CCDC39: variants seen among roughly 807,000 people sequenced by gnomAD.
The protein encoded by CCDC39 is coiled-coil domain 39 molecular ruler complex subunit, also known as coiled-coil domain-containing protein 39.
A neutral mutation model predicts 121.0 loss-of-function variants in CCDC39; 113 were observed. That is an observed-to-expected ratio of 0.93 (90% CI 0.80 to 1.09). The LOEUF is 1.09. Among genes scored for constraint, CCDC39 ranks in the 50% least tolerant of loss-of-function variants. The pLI is 0.00. For synonymous variants in CCDC39, 349 were observed against 352.2 expected (o/e 0.99, Z 0.10); for missense variants, 1,063 against 1,074.7 (o/e 0.99, Z 0.15).
chr3:180,669,260 A>G (rs1272241448), intron 1 of CCDC39, among the ~76,000 whole-genome samples: 5 of 151,992 alleles, frequency 3.3e-5, no homozygotes, highest in East Asian at 1.9e-4. Context: ...GCTTTTTAGT[A>G]TGGTAGGGCA....
chr3:180,633,555 G>A (rs949700142), intron 13 of CCDC39, among the ~76,000 whole-genome samples: 1 of 152,136 alleles, frequency 6.6e-6, no homozygotes, highest in Non-Finnish European at 1.5e-5. Context: ...GACAAGGGGG[G>A]AGATTAGGCA....
chr3:180,669,102 T>G (rs1461164423), intron 1 of CCDC39, among the ~76,000 whole-genome samples: 1 of 152,224 alleles, frequency 6.6e-6, no homozygotes, highest in African/African-American at 2.4e-5. Flanking sequence ...AATAGACCAT[T>G]CATTAAATAG....
In CCDC39 at chr3:180,617,722, G is replaced by A. The variant is rs537615585; in HGVS notation, c.2266-756C>T. 257 of 382,864 alleles carry A rather than the reference G, an allele frequency of 6.7e-4. 1 individual carries two copies. The highest frequency in any genetic ancestry group is 2.7e-3 in the Middle Eastern group (4 of 1,474). The allele number at this position is 382,864 out of a possible 1,614,324, so 23.7% of individuals were successfully genotyped here. A position where few individuals can be genotyped will look rare whatever the true frequency, so the allele number is the denominator to read the frequency against. ...GCTTAAGCTAAATGTCATCACAAAAGAGTAAAAAAATTTTACAAAATTAAA... is the reference window on the plus strand; with the variant it reads ...GCTTAAGCTAAATGTCATCACAAAAAAGTAAAAAAATTTTACAAAATTAAA... On this transcript the variant is annotated intron_variant, in intron 16 of 19. Transcript: ENST00000476379.
intron 13 of CCDC39, among the ~76,000 whole-genome samples, chr3:180,632,726 GA>G (rs1176041344): frequency 1.3e-5 from 2 of 151,542 alleles, no homozygotes; most frequent in Non-Finnish European, 2.9e-5. Flanking sequence ...AAGATTAACG[GA>G]AAAAAAATAG....
chr3:180,636,853 G>A lies in CCDC39; in HGVS notation c.1874+5140C>T, dbSNP rs145734693. Among the ~76,000 whole-genome samples the A allele has an allele frequency of 3.7e-4, 57 of 152,248 alleles. 2 individuals carry two copies. In the East Asian group the frequency reaches 9.3e-3, roughly 25 times the overall value. On this transcript the variant is annotated intron_variant, in intron 13 of 19. Transcript: ENST00000476379. The stretch of plus-strand genomic sequence containing the variant: ...GAATGGACTCGCTATTCAATACATG[G>A]TGCTGGGATAACTTGCTAGCCATAT...
intron 14 of CCDC39, 106 bp from the exon 15 acceptor site, chr3:180,620,076 G>A: frequency 1.2e-6 from 1 of 823,900 alleles, no homozygotes; most frequent in Non-Finnish European, 1.8e-6. Flanking sequence ...GACAATAACA[G>A]TTTATCTCAT....
intron 12 of CCDC39, 30 bp from the exon 13 acceptor site, chr3:180,642,231 G>T: frequency 7.1e-7 from 1 of 1,406,324 alleles, no homozygotes; most frequent in Non-Finnish European, 9.5e-7. Flanking sequence ...GTCAAATATT[G>T]AAATTATTTT....
Position 180,659,461 on chromosome 3 carries a change from G to T in CCDC39, c.729C>A (p.Asn243Lys), listed in dbSNP as rs1711683636. The change falls in exon 6 of 20, where the codon AAC (asparagine) becomes AAA (lysine). Residue 243 changes from asparagine (N) to lysine (K), a missense_variant. Coordinates refer to ENST00000476379, the MANE Select transcript of CCDC39 (RefSeq NM_181426.2). ...CAAACAACTACTTTACCAAAGCACA[G>T]TTATCTATGTCTCCATCCCTCTTCT... is the stretch of plus-strand genomic sequence containing the variant. ...QMQKRDGDID[N>K]CALELARIKQ... 6.2e-7 allele frequency: 1 copy of T among 1,613,320 alleles called. No homozygotes were observed. The highest frequency in any genetic ancestry group is 8.5e-7 in the Non-Finnish European group (1 of 1,179,640).
rs182186111 is a variant in CCDC39, at chr3:180,614,072, A to G, written c.*849T>C. 1.4e-5 allele frequency: 4 copies of G among 278,680 alleles called. No homozygotes were observed. The East Asian group carries it at 3.7e-4, about 26-fold the overall frequency. 17.3% of individuals were successfully genotyped at this position (278,680 alleles called of 1,614,324 possible). On this transcript the variant is annotated 3_prime_UTR_variant, in exon 20 of 20. Transcript: ENST00000476379. ...ATTCCACACTCTATTCCAAGAGTAC[A>G]AAGTGTTGGGCACATGTTATAATGA...
At chr3:180,664,072 C>A in intron 1 of CCDC39, 86 bp from the exon 2 acceptor site, 1 of 1,238,068 alleles carries the variant, frequency 8.1e-7, no homozygotes, top group Non-Finnish European at 1.1e-6. Flanking sequence ...ATTAAATTTT[C>A]ATTTACATTG....
chr3:180,660,789 A>G (rs1576949986), intron 3 of CCDC39, 61 bp from the exon 4 acceptor site: 7 of 1,457,666 alleles, frequency 4.8e-6, no homozygotes, highest in African/African-American at 1.4e-5. Flanking sequence ...TATACAGACT[A>G]AAATAAAACA....
Position 180,614,779 on chromosome 3 carries a change from CT to C in CCDC39, c.*141del, listed in dbSNP as rs201549088. The stretch of plus-strand genomic sequence containing the variant: ...AACAGTAGAGAAAATGAGAACGTTC[CT>C]TTTTTTTTAAAACTATCAGTTTTTA... On this transcript the variant is annotated 3_prime_UTR_variant, in exon 20 of 20. Transcript: ENST00000476379. 262 of 660,952 alleles carry C rather than the reference CT, an allele frequency of 4.0e-4. No homozygotes were observed. The highest frequency in any genetic ancestry group is 7.7e-4 in the South Asian group (30 of 39,068). 40.9% of individuals were successfully genotyped at this position (660,952 alleles called of 1,614,324 possible). A position where few individuals can be genotyped will look rare whatever the true frequency, so the allele number is the denominator to read the frequency against.
chr3:180,664,059 AAAATT>A, intron 1 of CCDC39, 73 bp from the exon 2 acceptor site: 1 of 1,363,610 alleles, frequency 7.3e-7, no homozygotes, highest in Non-Finnish European at 1.0e-6. Context: ...AAAATCAAAG[AAAATT>A]AAATTTTCAT....
At position 180,654,907 on chromosome 3, in the gene CCDC39, A is replaced by G; in HGVS notation, c.785T>C (p.Val262Ala). 1 of 1,588,420 alleles carries G rather than the reference A, an allele frequency of 6.3e-7. No individual in the cohort carries two copies. The highest frequency in any genetic ancestry group is 8.5e-7 in the Non-Finnish European group (1 of 1,170,908). The change falls in exon 7 of 20, where the codon GTT (valine) becomes GCT (alanine). Residue 262 changes from valine to alanine, a missense_variant. Coordinates refer to ENST00000476379, the MANE Select transcript of CCDC39 (RefSeq NM_181426.2). The stretch of plus-strand genomic sequence containing the variant: ...TTCCAAAAACTTGATCTTTTCTTTA[A>G]CCAAATTTTCTTTTTCTCTCGTTTC... ...KQETREKENL[V>A]KEKIKFLESE...
intron 15 of CCDC39, 25 bp from the exon 16 acceptor site, chr3:180,619,390 T>C: frequency 3.5e-6 from 4 of 1,148,582 alleles, no homozygotes; most frequent in African/African-American, 1.6e-5. Context: ...ATTTTTAGTT[T>C]AAAATTTCAA....
chr3:180,643,050 C>T (rs1717994403), intron 12 of CCDC39, among the ~76,000 whole-genome samples: 1 of 151,780 alleles, frequency 6.6e-6, no homozygotes, highest in Non-Finnish European at 1.5e-5. Flanking sequence ...AGCCCCACCT[C>T]CTGGGTTCAC....
chr3:180,657,356 G>A (rs552982837), intron 6 of CCDC39, among the ~76,000 whole-genome samples: 1 of 152,126 alleles, frequency 6.6e-6, no homozygotes, highest in South Asian at 2.1e-4. Context: ...GCTACTAGTT[G>A]TGTATTCTGC....
chr3:180,677,211 TA>T (rs1712259260), intron 1 of CCDC39, among the ~76,000 whole-genome samples: 3 of 109,882 alleles, frequency 2.7e-5, no homozygotes, highest in African/African-American at 9.9e-5. Flanking sequence ...TATATATATA[TA>T]TATAAAATCA....
rs779447025 is a variant in CCDC39 at position 180,663,865 on chromosome 3, A to T, written c.210+2T>A. The T allele has an allele frequency of 6.2e-7, 1 of 1,611,930 alleles. No homozygotes were observed. The highest frequency in any genetic ancestry group is 8.5e-7 in the Non-Finnish European group (1 of 1,179,048). On this transcript the variant is annotated splice_donor_variant, in intron 2 of 19. Transcript: ENST00000476379. LOFTEE classifies it high-confidence loss of function. ...AATCAACATAAATTTCAGTTACTGT[A>T]CCTGTGTAATTGAGAGCTCTTGCTT...
Sources: gnomAD v4.1 joint callset for allele counts (sites outside exome capture counted in the v4.1 genomes callset) on GRCh38, gnomAD v4.1.1 for gene constraint, MANE v1.5 for transcripts, NCBI Gene and HGNC (gene_info 2026-07-23, HGNC 2026-07-21) for gene names.